The following ANK3 variants were observed in gnomAD, a reference collection of about 807,000 sequenced individuals.
ANK3 encodes the protein ankyrin 3, also known as ankyrin-3.
ANK3 carries 57 observed loss-of-function variants against 370.9 expected under a neutral mutation model. The observed-to-expected ratio is 0.15, with a 90% CI of 0.12 to 0.19. The LOEUF (loss-of-function observed/expected upper bound fraction) is 0.19. Ranked by LOEUF, ANK3 falls within the 10% of genes least tolerant of loss-of-function variation. The pLI, the probability that ANK3 is intolerant of heterozygous loss-of-function variation, is 1.00. For missense variants in ANK3, 4,439 were observed against 5,302.1 expected (o/e 0.84, Z 5.06); for synonymous variants, 1,929 against 1,946.3 (o/e 0.99, Z 0.23).
At position 60,389,377 on chromosome 10, in the gene ANK3, A is replaced by C. The variant is rs1667843076; in HGVS notation, c.114+48T>G. The C allele has an allele frequency of 3.2e-6, 5 of 1,572,930 alleles. No individual in the cohort carries two copies. In the African/African-American group the frequency reaches 4.1e-5, roughly 13 times the overall value. ...TCTAACAGATGCCAGAGGGAGATTA[A>C]AACAAAAAGAATCCAGGCAAGATAT... On this transcript the variant is annotated intron_variant, in intron 1 of 43. Coordinates refer to ENST00000280772, the MANE Select transcript of ANK3 (RefSeq NM_020987.5).
intron 9 of ANK3, among the ~76,000 whole-genome samples, chr10:60,209,385 C>G (rs554011575): frequency 3.9e-5 from 6 of 152,182 alleles, no homozygotes; most frequent in Admixed American, 3.9e-4. Context: ...AGAAGGAGTT[C>G]AAGATAAGAA....
intron 1 of ANK3, among the ~76,000 whole-genome samples, chr10:60,382,808 T>C (rs1328792921): frequency 6.9e-6 from 1 of 144,506 alleles, no homozygotes; most frequent in African/African-American, 2.7e-5. Flanking sequence ...TATATATATA[T>C]ATATATATAT....
chr10:60,048,110 T>C (rs1388464339), intron 42 of ANK3, among the ~76,000 whole-genome samples: 1 of 152,236 alleles, frequency 6.6e-6, no homozygotes, highest in African/African-American at 2.4e-5. Context: ...CCCAGACTTT[T>C]GGCAATCCAA....
intron 1 of ANK3, among the ~76,000 whole-genome samples, chr10:60,370,872 C>G (rs1262502674): frequency 6.6e-6 from 1 of 152,130 alleles, no homozygotes. Flanking sequence ...TCTTACTTTG[C>G]AAACATACTG....
chr10:60,412,407 A>G (rs2063578353), intron 2 of ANK3, among the ~76,000 whole-genome samples: 1 of 152,122 alleles, frequency 6.6e-6, no homozygotes, highest in Non-Finnish European at 1.5e-5. Flanking sequence ...TCAGATCCAC[A>G]TTGGAATCTA....
rs2072755782 is a variant in ANK3 at position 60,029,303 on chromosome 10, C to T, written c.*543G>A. 6.6e-6 allele frequency: 1 copy of T among 152,388 alleles called. No individual in the cohort carries two copies. The highest frequency in any genetic ancestry group is 1.5e-5 in the Non-Finnish European group (1 of 68,008). The allele number at this position is 152,388 out of a possible 1,614,324, so 9.4% of individuals were successfully genotyped here. On this transcript the variant is annotated 3_prime_UTR_variant, in exon 44 of 44. Coordinates refer to ENST00000280772, the MANE Select transcript of ANK3 (RefSeq NM_020987.5). ...CTGTTTGTGTTCTAAGAGGCAGTGC[C>T]TTATCAACATTTTATTCTATTTTTC...
chr10:60,278,881 T>C lies in ANK3; in HGVS notation c.316-9A>G. ...AATGCTGTGTTTCCTTTCTGTGAAA[T>C]GAAAGTCAAGATATATCAACTCATC... On this transcript the variant is annotated splice_polypyrimidine_tract_variant and intron_variant, in intron 3 of 43. Transcript: ENST00000280772. The C allele has an allele frequency of 6.8e-6, 11 of 1,612,242 alleles. 1 individual carries two copies. Among genetic ancestry groups the C allele is most frequent in the South Asian group, 1.1e-5 (1 of 91,042 alleles).
intron 1 of ANK3, among the ~76,000 whole-genome samples, chr10:60,377,371 T>C (rs2060926332): frequency 1.3e-5 from 2 of 152,242 alleles, no homozygotes; most frequent in Admixed American, 6.5e-5. Context: ...TTTTGACAAA[T>C]GTTGCTTCCC....
At chr10:60,059,138 T>C (rs555297618) in intron 41 of ANK3, among the ~76,000 whole-genome samples, 1 of 152,356 alleles carries the variant, frequency 6.6e-6, no homozygotes, top group East Asian at 1.9e-4. Flanking sequence ...TCTTGTATTT[T>C]ATTTCAACAG....
intron 1 of ANK3, among the ~76,000 whole-genome samples, chr10:60,713,007 G>A (rs1358281888): frequency 6.6e-6 from 1 of 152,230 alleles, no homozygotes; most frequent in South Asian, 2.1e-4. Flanking sequence ...CCACAAGTAC[G>A]GTGGAGACTT....
At chr10:60,289,237 C>T (rs1458842522) in intron 1 of ANK3, among the ~76,000 whole-genome samples, 1 of 151,156 alleles carries the variant, frequency 6.6e-6, no homozygotes, top group Admixed American at 6.6e-5. Context: ...AATTACCTCC[C>T]CCGACCCTTT....
At chr10:60,711,032 C>T (rs920782696) in intron 1 of ANK3, among the ~76,000 whole-genome samples, 4 of 152,220 alleles carry the variant, frequency 2.6e-5, no homozygotes, top group African/African-American at 9.6e-5. Flanking sequence ...TCCAGAAACA[C>T]TCTGACAAAC....
At chr10:60,496,808 G>A (rs1373886992) in intron 2 of ANK3, among the ~76,000 whole-genome samples, 7 of 151,562 alleles carry the variant, frequency 4.6e-5, no homozygotes, top group African/African-American at 1.7e-4. Context: ...GAACTGCTTG[G>A]CCGGGAGGTA....
chr10:60,732,992 C>G (rs914161361), intron 1 of ANK3, among the ~76,000 whole-genome samples: 1 of 151,868 alleles, frequency 6.6e-6, no homozygotes, highest in African/African-American at 2.4e-5. Flanking sequence ...AGTCCTCGGG[C>G]CCCCCTCTCT....
intron 7 of ANK3, among the ~76,000 whole-genome samples, chr10:60,241,175 GA>G (rs2097451142): frequency 6.6e-6 from 1 of 151,092 alleles, no homozygotes; most frequent in Admixed American, 6.6e-5. Context: ...AAAATATGAT[GA>G]TTTTTTTTCC....
intron 1 of ANK3, among the ~76,000 whole-genome samples, chr10:60,653,426 A>G (rs916375305): frequency 1.3e-5 from 2 of 152,028 alleles, no homozygotes; most frequent in Non-Finnish European, 2.9e-5. Flanking sequence ...TTCCCCCATT[A>G]AATTGCCTTG....
chr10:60,347,299 CTTGA>C (rs1215065612), intron 1 of ANK3, among the ~76,000 whole-genome samples: 1 of 152,046 alleles, frequency 6.6e-6, no homozygotes, highest in East Asian at 1.9e-4. Context: ...GGAACATCAG[CTTGA>C]TTAACTCTTT....
chr10:60,168,048 C>T (rs2095670859), intron 21 of ANK3, among the ~76,000 whole-genome samples: 1 of 152,148 alleles, frequency 6.6e-6, no homozygotes, highest in Admixed American at 6.5e-5. Context: ...TTATTTGAGA[C>T]CAAGTCTCGC....
At chr10:60,565,385 T>C (rs1235133799) in intron 2 of ANK3, among the ~76,000 whole-genome samples, 7 of 151,612 alleles carry the variant, frequency 4.6e-5, no homozygotes, top group African/African-American at 1.7e-4. Context: ...GAGACCGTAA[T>C]GTTCACTTGC....
Sources: gnomAD v4.1 joint callset for allele counts (sites outside exome capture counted in the v4.1 genomes callset) on GRCh38, gnomAD v4.1.1 for gene constraint, MANE v1.5 for transcripts, NCBI Gene and HGNC (gene_info 2026-07-23, HGNC 2026-07-21) for gene names.